Variants in RPGR observed in about 807,000 individuals in gnomAD.
The protein encoded by RPGR is X-linked retinitis pigmentosa GTPase regulator.
Under a neutral mutation model 56.3 loss-of-function variants are expected in RPGR, and 10 were observed. That is an observed-to-expected ratio of 0.18 (90% CI 0.11 to 0.30). The LOEUF (loss-of-function observed/expected upper bound fraction) is 0.30, where lower values mean the gene tolerates loss of function less well. Among genes scored for constraint, RPGR ranks in the 10% least tolerant of loss-of-function variants. The pLI is 1.00. For missense variants in RPGR, 538 were observed against 590.9 expected, an observed-to-expected ratio of 0.91 and a Z score of 0.93; for synonymous variants, 197 against 212.9, an observed-to-expected ratio of 0.93 and a Z score of 0.65.
Position 38,297,301 on chromosome X carries a change from A to C in RPGR, c.1397T>G (p.Met466Arg), listed in dbSNP as rs1413559806. The change falls in exon 11 of 19, where the codon ATG becomes AGG. Residue 466 changes from methionine (M) to arginine (R), a missense_variant. This residue lies in a region of RPGR where 357 missense variants were observed against 325.8 expected (regional missense o/e 1.10). Coordinates refer to ENST00000642395, the MANE Select transcript of RPGR (RefSeq NM_000328.3). ...AATGTTACCTGGTTCCTCTGGCTGCATGAGGTCCTGTTCAGATAAGACACT... is the reference window on the plus strand; with the variant it reads ...AATGTTACCTGGTTCCTCTGGCTGCCTGAGGTCCTGTTCAGATAAGACACT... The C allele has an allele frequency of 8.3e-7, 1 of 1,210,903 alleles. No homozygotes were observed. Among genetic ancestry groups the C allele is most frequent in the Non-Finnish European group, 1.1e-6 (1 of 895,200 alleles).
In RPGR at chrX:38,276,606, G is replaced by A; in HGVS notation, c.2072C>T (p.Ser691Leu). 2 of 1,210,936 alleles carry A rather than the reference G, an allele frequency of 1.7e-6. No individual in the cohort carries two copies. Among genetic ancestry groups the A allele is most frequent in the Non-Finnish European group, 2.2e-6 (2 of 895,028 alleles). ...TCATACCTTTTCAATAGTTTCAGCTGAGCTATCATCATTGGTTCTTTCTGC... is the reference window on the plus strand; with the variant it reads ...TCATACCTTTTCAATAGTTTCAGCTAAGCTATCATCATTGGTTCTTTCTGC... The change falls in exon 16 of 19, where the codon TCA becomes TTA. Residue 691 changes from serine (S) to leucine (L), a missense_variant. By Grantham distance (145) the Ser-to-Leu change is moderately radical. This residue lies in a region of RPGR where 357 missense variants were observed against 325.8 expected (regional missense o/e 1.10). Coordinates refer to ENST00000642395, the MANE Select transcript of RPGR (RefSeq NM_000328.3).
chrX:38,307,370 C>T (rs1263412172), intron 7 of RPGR, among the ~76,000 whole-genome samples: 1 of 112,152 alleles, frequency 8.9e-6, no homozygotes, highest in Non-Finnish European at 1.9e-5. Flanking sequence ...CTATCACGGT[C>T]ATGTGCAAAT....
chrX:38,285,507 G>C (rs1390310475), intron 15 of RPGR: 3 of 1,207,629 alleles, frequency 2.5e-6, no homozygotes, highest in Non-Finnish European at 3.4e-6. Flanking sequence ...TAAATTGTCT[G>C]ACTGGCCATA....
chrX:38,296,281 C>T (rs780980260), intron 11 of RPGR: 40 of 111,054 alleles, frequency 3.6e-4, no homozygotes, highest in African/African-American at 1.2e-3. Context: ...CGCCACTGCA[C>T]TCCAGCTTGG....
intron 6 of RPGR, among the ~76,000 whole-genome samples, chrX:38,313,806 T>G (rs1159008331): frequency 9.0e-6 from 1 of 110,821 alleles, no homozygotes; most frequent in East Asian, 2.8e-4. Flanking sequence ...AAACTATACA[T>G]CCTATAGTTT....
chrX:38,310,966 A>T (rs1158179886), intron 6 of RPGR, among the ~76,000 whole-genome samples, 193 bp from the exon 7 acceptor site: 2 of 112,439 alleles, frequency 1.8e-5, no homozygotes, highest in African/African-American at 6.5e-5. Context: ...CATTTTCATG[A>T]AAAATTCATG....
At chrX:38,279,292 A>G in intron 15 of RPGR, 1 of 315,668 alleles carries the variant, frequency 3.2e-6, no homozygotes, top group South Asian at 2.9e-5. Context: ...GTAGTCTGAA[A>G]TGGTCAGTAT....
At chrX:38,282,145 C>T (rs1204914396) in intron 15 of RPGR, among the ~76,000 whole-genome samples, 1 of 111,208 alleles carries the variant, frequency 9.0e-6, no homozygotes, top group African/African-American at 3.3e-5. Flanking sequence ...ATTTAATTTT[C>T]ACAGTTCTGA....
chrX:38,317,161 G>A, intron 6 of RPGR, 155 bp downstream of exon 6: 1 of 500,430 alleles, frequency 2.0e-6, no homozygotes, highest in Non-Finnish European at 3.4e-6. Flanking sequence ...TATATAAATG[G>A]GGAAATACTG....
intron 13 of RPGR, among the ~76,000 whole-genome samples, chrX:38,289,852 C>T: frequency 8.9e-6 from 1 of 112,083 alleles, no homozygotes. Flanking sequence ...GTTGCCAGAA[C>T]TGATTTCTAA....
chrX:38,292,777 A>G (rs1248112312), intron 11 of RPGR, among the ~76,000 whole-genome samples: 6 of 111,982 alleles, frequency 5.4e-5, no homozygotes, highest in Non-Finnish European at 1.1e-4. Flanking sequence ...ATGAGAAATT[A>G]CATCCGTATG....
At chrX:38,282,367 A>G (rs139613781) in intron 15 of RPGR, among the ~76,000 whole-genome samples, 3 of 109,353 alleles carry the variant, frequency 2.7e-5, no homozygotes, top group African/African-American at 1.0e-4. Context: ...CACTTTCTCA[A>G]CCTCTCCCTT....
intron 6 of RPGR, among the ~76,000 whole-genome samples, chrX:38,312,005 A>G (rs1051048890): frequency 5.4e-5 from 6 of 111,909 alleles, no homozygotes; most frequent in African/African-American, 2.0e-4. Flanking sequence ...CCTTTGCTGT[A>G]ATAAATCTTA....
intron 7 of RPGR, among the ~76,000 whole-genome samples, chrX:38,306,609 A>G (rs1424402026): frequency 1.8e-5 from 2 of 112,657 alleles, no homozygotes; most frequent in African/African-American, 3.2e-5. Context: ...AAACCATCTT[A>G]GTTTAAATAA....
intron 7 of RPGR, among the ~76,000 whole-genome samples, chrX:38,307,257 C>A (rs1381655809): frequency 9.0e-6 from 1 of 111,630 alleles, no homozygotes; most frequent in Non-Finnish European, 1.9e-5. Context: ...TTAGTGTGTC[C>A]CAAGTTCCAG....
chrX:38,271,928 G>T (rs1303763041), intron 18 of RPGR, among the ~76,000 whole-genome samples: 1 of 112,196 alleles, frequency 8.9e-6, no homozygotes, highest in Non-Finnish European at 1.9e-5. Flanking sequence ...CATAAAACAA[G>T]ATACTGATTT....
chrX:38,279,307 CT>C, intron 15 of RPGR: 1 of 283,127 alleles, frequency 3.5e-6, no homozygotes, highest in Non-Finnish European at 6.7e-6. Flanking sequence ...CAGTATATGT[CT>C]GTGTCTTGCG....
chrX:38,279,992 G>A (rs1238722533), intron 15 of RPGR, among the ~76,000 whole-genome samples: 1 of 110,555 alleles, frequency 9.0e-6, no homozygotes, highest in African/African-American at 3.3e-5. Flanking sequence ...AGTATGGGGT[G>A]GGAAGGGCAT....
chrX:38,270,623 C>CAAAAAA (rs201791415), intron 18 of RPGR, among the ~76,000 whole-genome samples: 1 of 42,325 alleles, frequency 2.4e-5, no homozygotes, highest in Non-Finnish European at 5.1e-5. Flanking sequence ...ACTCTGTCCC[C>CAAAAAA]AAAAAAAAAA....
Sources: gnomAD v4.1 joint callset for allele counts (sites outside exome capture counted in the v4.1 genomes callset) on GRCh38, gnomAD v4.1.1 for gene constraint, gnomAD v4.1.1 regional missense constraint, MANE v1.5 for transcripts, NCBI Gene and HGNC (gene_info 2026-07-23, HGNC 2026-07-21) for gene names.